C3orf20: variants seen among roughly 807,000 people sequenced by gnomAD.
The protein encoded by C3orf20 is uncharacterized protein C3orf20.
In C3orf20, 76 loss-of-function variants were observed where a neutral mutation model predicts 88.3. The observed-to-expected ratio is 0.86, with a 90% confidence interval of 0.72 to 1.04. The LOEUF (loss-of-function observed/expected upper bound fraction) is 1.04. C3orf20 is among the 50% of genes least tolerant of loss of function. The pLI is 0.00. For missense variants in C3orf20, 1,056 were observed against 1,123.3 expected (o/e 0.94, Z 0.86); for synonymous variants, 436 against 437.4 (o/e 1.00, Z 0.04).
chr3:14,733,379 T>C, intron 12 of C3orf20, among the ~76,000 whole-genome samples: 1 of 152,202 alleles, frequency 6.6e-6, no homozygotes, highest in Non-Finnish European at 1.5e-5. Flanking sequence ...TTAGGAGTTT[T>C]TGTATCTGTG....
chr3:14,757,213 A>G (rs2035399354), intron 12 of C3orf20, among the ~76,000 whole-genome samples, 158 bp from the exon 13 acceptor site: 1 of 152,212 alleles, frequency 6.6e-6, no homozygotes, highest in Non-Finnish European at 1.5e-5. Context: ...CAGAGAGGTT[A>G]GGGGACCTGT....
rs1575106137 is a variant in C3orf20, at chr3:14,701,622, G to A, written c.746-1508G>A. Among the ~76,000 whole-genome samples, 1 of 152,330 alleles carries A rather than the reference G, an allele frequency of 6.6e-6. No individual in the cohort carries two copies. Among genetic ancestry groups the A allele is most frequent in the South Asian group, 2.1e-4 (1 of 4,824 alleles). On this transcript the variant is annotated intron_variant, in intron 5 of 16. Coordinates refer to ENST00000253697, the MANE Select transcript of C3orf20 (RefSeq NM_032137.5). The surrounding 1 kb of genome is among the most constrained non-coding windows in gnomAD (Gnocchi z 4.6). ...GCAGATCATTGTCATCCGGTCTGCA[G>A]AGACTCAGATGACAGTGATCTGTGC...
chr3:14,719,637 C>T (rs796572979), intron 9 of C3orf20, among the ~76,000 whole-genome samples: 1 of 152,270 alleles, frequency 6.6e-6, no homozygotes, highest in African/African-American at 2.4e-5. Flanking sequence ...CTAATGAACT[C>T]TCAAGAAGAC....
intron 3 of C3orf20, 151 bp downstream of exon 3, chr3:14,683,348 C>T: frequency 9.8e-7 from 1 of 1,016,292 alleles, no homozygotes; most frequent in Non-Finnish European, 1.4e-6. Context: ...TCTCACTCCT[C>T]CCTGTTCTCC....
chr3:14,681,022 G>C (rs1464933544), intron 1 of C3orf20, among the ~76,000 whole-genome samples: 1 of 152,238 alleles, frequency 6.6e-6, no homozygotes, highest in Non-Finnish European at 1.5e-5. Flanking sequence ...ATGCTGGAAG[G>C]GTTTGCTCTT....
At chr3:14,737,624 C>T (rs2034760176) in intron 12 of C3orf20, among the ~76,000 whole-genome samples, 1 of 152,222 alleles carries the variant, frequency 6.6e-6, no homozygotes. Flanking sequence ...CTGAGGCTGA[C>T]TGATCAGGGT....
intron 5 of C3orf20, among the ~76,000 whole-genome samples, chr3:14,696,916 A>G (rs1575101609): frequency 6.6e-6 from 1 of 152,008 alleles, no homozygotes; most frequent in Non-Finnish European, 1.5e-5. Context: ...TTATTTCTTC[A>G]TGTTTTAAGG....
chr3:14,737,984 C>T (rs1365403260), intron 12 of C3orf20, among the ~76,000 whole-genome samples: 4 of 152,102 alleles, frequency 2.6e-5, no homozygotes, highest in Non-Finnish European at 5.9e-5. Context: ...TGCAGCAATT[C>T]GGTCACATCT....
At chr3:14,759,341 C>T (rs567929155) in intron 13 of C3orf20, among the ~76,000 whole-genome samples, 1 of 152,188 alleles carries the variant, frequency 6.6e-6, no homozygotes, top group South Asian at 2.1e-4. Context: ...CTGAGGCATC[C>T]AGAAAGAAGG....
Position 14,751,983 on chromosome 3 carries a change from T to A in C3orf20, c.1941-5388T>A, listed in dbSNP as rs569191856. On this transcript the variant is annotated intron_variant, in intron 12 of 16. Transcript: ENST00000253697. The stretch of plus-strand genomic sequence containing the variant: ...CTTCACAGAATTGGAAAAGACTACT[T>A]TAAATTTCATATGGAACCAAAAAAG... Among the ~76,000 whole-genome samples the A allele has an allele frequency of 4.6e-5, 7 of 152,238 alleles. No individual in the cohort carries two copies. In the East Asian group the frequency reaches 1.4e-3, roughly 29 times the overall value.
At chr3:14,730,415 T>G (rs909127814) in intron 12 of C3orf20, among the ~76,000 whole-genome samples, 1 of 151,874 alleles carries the variant, frequency 6.6e-6, no homozygotes. Context: ...GGTGTGGTGG[T>G]GGGCGCCTGT....
At chr3:14,734,294 T>C (rs147958030) in intron 12 of C3orf20, among the ~76,000 whole-genome samples, 25 of 152,270 alleles carry the variant, frequency 1.6e-4, no homozygotes, top group African/African-American at 6.0e-4. Flanking sequence ...GATGCTTAGA[T>C]AATTGGGCTT....
At chr3:14,764,507 A>ATTATTATTATTATTGTTG (rs1286567408) in intron 15 of C3orf20, among the ~76,000 whole-genome samples, 4 of 132,758 alleles carry the variant, frequency 3.0e-5, no homozygotes, top group African/African-American at 1.2e-4. Flanking sequence ...TATTATTATT[A>ATTATTATTATTATTGTTG]TTGTTGTTGT....
At chr3:14,713,322 C>A (rs1308009612) in intron 7 of C3orf20, among the ~76,000 whole-genome samples, 2 of 152,140 alleles carry the variant, frequency 1.3e-5, no homozygotes, top group Non-Finnish European at 2.9e-5. Context: ...TCCCACAGGT[C>A]CCTGAGAATC....
At chr3:14,762,389 G>T (rs1343322776) in intron 15 of C3orf20, among the ~76,000 whole-genome samples, 5 of 152,234 alleles carry the variant, frequency 3.3e-5, no homozygotes, top group Non-Finnish European at 1.5e-5. Context: ...GGCTCAAGAA[G>T]AATACATCCT....
At chr3:14,743,254 G>A (rs1260982549) in intron 12 of C3orf20, among the ~76,000 whole-genome samples, 2 of 151,958 alleles carry the variant, frequency 1.3e-5, no homozygotes, top group Non-Finnish European at 2.9e-5. Context: ...GGAGAAATTG[G>A]CCAAAACAAA....
intron 1 of C3orf20, 127 bp from the exon 2 acceptor site, chr3:14,682,043 A>AT (rs760533678): frequency 1.1e-4 from 16 of 152,046 alleles, no homozygotes; most frequent in Non-Finnish European, 2.1e-4. Flanking sequence ...GCTTACATTC[A>AT]TTTTTTTCTT....
At chr3:14,737,299 C>T (rs749430595) in intron 12 of C3orf20, among the ~76,000 whole-genome samples, 1 of 151,828 alleles carries the variant, frequency 6.6e-6, no homozygotes, top group Non-Finnish European at 1.5e-5. Context: ...TCTTTTCTCT[C>T]TATCTGGGAC....
chr3:14,731,505 A>G (rs1320200081), intron 12 of C3orf20, among the ~76,000 whole-genome samples: 4 of 152,232 alleles, frequency 2.6e-5, no homozygotes, highest in African/African-American at 7.2e-5. Flanking sequence ...TCTGAAGGAC[A>G]CAGGTGTGTC....
Sources: gnomAD v4.1 joint callset for allele counts (sites outside exome capture counted in the v4.1 genomes callset) on GRCh38, gnomAD v4.1.1 for gene constraint, Gnocchi (gnomAD v3.1) non-coding constraint, MANE v1.5 for transcripts, NCBI Gene and HGNC (gene_info 2026-07-23, HGNC 2026-07-21) for gene names.